Variants in TSHR observed in about 807,000 individuals in gnomAD.
TSHR encodes the protein thyroid stimulating hormone receptor.
A neutral mutation model predicts 64.1 loss-of-function variants in TSHR; 51 were observed. The observed-to-expected ratio is 0.80, with a 90% CI of 0.64 to 1.01. The LOEUF (loss-of-function observed/expected upper bound fraction) is 1.01. TSHR is among the 50% of genes least tolerant of loss of function. The pLI is 0.00. For missense variants in TSHR, 877 were observed against 942.8 expected (o/e 0.93, Z 0.91); for synonymous variants, 361 against 361.9 (o/e 1.00, Z 0.03).
rs552934213 is a variant in TSHR at position 81,058,575 on chromosome 14, A to C, written c.171-3573A>C. Among the ~76,000 whole-genome samples, 25 of 152,262 alleles carry C rather than the reference A, an allele frequency of 1.6e-4. 1 individual carries two copies. In the South Asian group the frequency reaches 4.8e-3, roughly 29 times the overall value. On this transcript the variant is annotated intron_variant, in intron 1 of 9. Transcript: ENST00000298171. ...TTCTCATATTTTAGAAAGAATCATC[A>C]TTGTCTTCTTATTGTGAATTATCAA...
chr14:81,128,778 G>A (rs1229697316), intron 8 of TSHR, among the ~76,000 whole-genome samples: 1 of 152,144 alleles, frequency 6.6e-6, no homozygotes, highest in Non-Finnish European at 1.5e-5. Context: ...TCTGATACAA[G>A]TCTTTGCTTA....
intron 8 of TSHR, among the ~76,000 whole-genome samples, chr14:81,117,591 G>C (rs1890577575): frequency 7.1e-6 from 1 of 140,250 alleles, no homozygotes; most frequent in Non-Finnish European, 1.5e-5. Flanking sequence ...AATTCTACCA[G>C]AGGTACAAGG....
intron 1 of TSHR, chr14:81,049,913 G>A (rs1885347546): frequency 6.6e-6 from 1 of 152,100 alleles, no homozygotes; most frequent in South Asian, 2.1e-4. Context: ...GTTTCCTGAG[G>A]CCTCCCAAGC....
intron 1 of TSHR, among the ~76,000 whole-genome samples, chr14:81,019,142 G>A (rs1204086003): frequency 6.6e-6 from 1 of 151,942 alleles, no homozygotes; most frequent in African/African-American, 2.4e-5. Context: ...CAAATTGGTG[G>A]CATGCAACAT....
intron 3 of TSHR, among the ~76,000 whole-genome samples, chr14:81,077,486 C>A (rs1250181302): frequency 1.3e-5 from 2 of 152,200 alleles, no homozygotes; most frequent in Non-Finnish European, 2.9e-5. Flanking sequence ...AATTGCTCAA[C>A]ACATATATAC....
chr14:81,143,659 G>A lies in TSHR; in HGVS notation c.1601G>A (p.Arg534His), dbSNP rs536364705. Residue 534 changes from arginine (R) to histidine (H), a missense_variant, in exon 10 of 10, where the codon CGC becomes CAC. By Grantham distance (29) the Arg-to-His change is conservative. Coordinates refer to ENST00000298171, the MANE Select transcript of TSHR (RefSeq NM_000369.5). ...GCCATGCGCCTGGACCGGAAGATCC[G>A]CCTCAGGCACGCATGTGCCATCATG... ...TFAMRLDRKI[R>H]LRHACAIMVG... The A allele has an allele frequency of 3.9e-5, 63 of 1,614,054 alleles. 1 individual carries two copies. The South Asian group carries it at 6.0e-4, about 15-fold the overall frequency.
At chr14:80,968,181 A>C (rs143486013) in intron 1 of TSHR, among the ~76,000 whole-genome samples, 10 of 152,254 alleles carry the variant, frequency 6.6e-5, no homozygotes, top group Non-Finnish European at 1.0e-4. Context: ...GCCTGAAGCT[A>C]GTCAGAGCTC....
chr14:81,109,683 A>G (rs551792874), intron 8 of TSHR, among the ~76,000 whole-genome samples: 18 of 152,258 alleles, frequency 1.2e-4, no homozygotes, highest in African/African-American at 4.3e-4. Context: ...ACCTTTAACA[A>G]TGTTATTTCA....
intron 1 of TSHR, among the ~76,000 whole-genome samples, chr14:81,057,411 CAAAAAGAAAAAA>C (rs1249301613): frequency 2.0e-5 from 3 of 151,308 alleles, no homozygotes; most frequent in Non-Finnish European, 4.4e-5. Context: ...AACTCCATCT[CAAAAAGAAAAAA>C]GAAAAGAAAA....
At chr14:80,966,635 T>C (rs1887313118) in intron 1 of TSHR, among the ~76,000 whole-genome samples, 1 of 151,776 alleles carries the variant, frequency 6.6e-6, no homozygotes, top group Non-Finnish European at 1.5e-5. Context: ...GAATGTCAGA[T>C]GGTGAAAAGT....
chr14:81,079,937 TTTTG>T (rs36136362), intron 3 of TSHR, among the ~76,000 whole-genome samples: 121,527 of 149,772 alleles, frequency 0.81, 49,768 homozygotes, highest in East Asian at 0.97. Flanking sequence ...AGTTTTTGGG[TTTTG>T]TTTGTTTGTT....
intron 1 of TSHR, among the ~76,000 whole-genome samples, chr14:81,026,799 G>T (rs1884080588): frequency 6.6e-6 from 1 of 152,152 alleles, no homozygotes; most frequent in Non-Finnish European, 1.5e-5. Flanking sequence ...ACTTTGGAAG[G>T]TAGAGGCAGG....
intron 1 of TSHR, chr14:80,992,906 T>C (rs924038586): frequency 6.6e-6 from 1 of 152,204 alleles, no homozygotes; most frequent in Middle Eastern, 3.4e-3. Context: ...TCATGGGAAA[T>C]GATGGGAACC....
At chr14:81,133,469 G>A (rs1891333119) in intron 8 of TSHR, among the ~76,000 whole-genome samples, 1 of 152,144 alleles carries the variant, frequency 6.6e-6, no homozygotes, top group Admixed American at 6.5e-5. Flanking sequence ...GTAAGACATG[G>A]GACTGAAAAC....
At chr14:81,005,257 ATC>A (rs71103895) in intron 1 of TSHR, among the ~76,000 whole-genome samples, 23,761 of 149,702 alleles carry the variant, frequency 0.16, 2,188 homozygotes, top group African/African-American at 0.25. Context: ...ACGCACGTGT[ATC>A]TCTGTGTGTG....
Position 81,144,424 on chromosome 14 carries a change from C to A in TSHR, c.*71C>A. 1 of 1,458,636 alleles carries A rather than the reference C, an allele frequency of 6.9e-7. No individual in the cohort carries two copies. Among genetic ancestry groups the A allele is most frequent in the African/African-American group, 1.4e-5 (1 of 71,494 alleles). The allele number at this position is 1,458,636 out of a possible 1,614,324, so 90.4% of individuals were successfully genotyped here. A position where few individuals can be genotyped will look rare whatever the true frequency, so the allele number is the denominator to read the frequency against. On this transcript the variant is annotated 3_prime_UTR_variant, in exon 10 of 10. Transcript: ENST00000298171. ...TAGTTTCTTGAATATGCATTCCAAT[C>A]CCATGACACCCCCAACACATAGCTG...
At chr14:81,022,472 T>G (rs945912784) in intron 1 of TSHR, among the ~76,000 whole-genome samples, 3 of 152,154 alleles carry the variant, frequency 2.0e-5, no homozygotes, top group African/African-American at 7.2e-5. Flanking sequence ...GTTTGTGTCC[T>G]CCTCTCCCCA....
At chr14:81,119,775 AACCCAAATGTCCAG>A (rs1890704710) in intron 8 of TSHR, among the ~76,000 whole-genome samples, 1 of 110,038 alleles carries the variant, frequency 9.1e-6, no homozygotes, top group Non-Finnish European at 1.8e-5. Flanking sequence ...ACTTGGAACC[AACCCAAATGTCCAG>A]CAAGGATAGA....
At chr14:80,955,911 C>A in intron 1 of TSHR, 61 bp downstream of exon 1, 1 of 1,607,666 alleles carries the variant, frequency 6.2e-7, no homozygotes, top group South Asian at 1.1e-5. Flanking sequence ...CAGAGGTGGC[C>A]CGAAGTGCAC....
Sources: gnomAD v4.1 joint callset for allele counts (sites outside exome capture counted in the v4.1 genomes callset) on GRCh38, gnomAD v4.1.1 for gene constraint, MANE v1.5 for transcripts, NCBI Gene and HGNC (gene_info 2026-07-23, HGNC 2026-07-21) for gene names.